The following TAF1B variants were observed in gnomAD, a reference collection of about 807,000 sequenced individuals.
TAF1B encodes the protein TATA-box binding protein associated factor, RNA polymerase I subunit B.
Under a neutral mutation model 83.9 loss-of-function variants are expected in TAF1B, and 61 were observed. The observed-to-expected ratio is 0.73, with a 90% CI of 0.59 to 0.90. The LOEUF (loss-of-function observed/expected upper bound fraction) is 0.90, where lower values mean the gene tolerates loss of function less well. Among genes scored for constraint, TAF1B ranks in the 40% least tolerant of loss-of-function variants. The probability of loss-of-function intolerance (pLI) is 0.00; values close to 1 mark genes in which losing one functional copy is unlikely to be tolerated. For missense variants in TAF1B, 625 were observed against 677.0 expected, an observed-to-expected ratio of 0.92 and a Z score of 0.85; for synonymous variants, 221 against 224.6, an observed-to-expected ratio of 0.98 and a Z score of 0.14.
intron 8 of TAF1B, among the ~76,000 whole-genome samples, chr2:9,888,048 G>A (rs554926362): frequency 6.6e-6 from 1 of 152,136 alleles, no homozygotes; most frequent in African/African-American, 2.4e-5. Context: ...TAGAGACGTG[G>A]TCTTGCAGTG....
In TAF1B at chr2:9,934,065, T is replaced by C; in HGVS notation, c.*81T>C. 8.5e-7 allele frequency: 1 copy of C among 1,173,254 alleles called. No individual in the cohort carries two copies. Among genetic ancestry groups the C allele is most frequent in the Non-Finnish European group, 1.2e-6 (1 of 841,212 alleles). 72.7% of individuals were successfully genotyped at this position (1,173,254 alleles called of 1,614,324 possible). A position where few individuals can be genotyped will look rare whatever the true frequency, so the allele number is the denominator to read the frequency against. Reference sequence around the variant, plus strand: ...ATTTTAATATAACATTCCAGAGAATTGTGGAAAATACTGCATATATATGTA... The same window carrying C: ...ATTTTAATATAACATTCCAGAGAATCGTGGAAAATACTGCATATATATGTA... On this transcript the variant is annotated 3_prime_UTR_variant, in exon 15 of 15. Transcript: ENST00000263663.
At chr2:9,894,201 T>C (rs989727719) in intron 8 of TAF1B, among the ~76,000 whole-genome samples, 2 of 151,928 alleles carry the variant, frequency 1.3e-5, no homozygotes, top group African/African-American at 4.8e-5. Flanking sequence ...CTGTGTTTAT[T>C]GATTACATGA....
At chr2:9,932,834 T>G (rs1310454195) in intron 14 of TAF1B, among the ~76,000 whole-genome samples, 2 of 151,990 alleles carry the variant, frequency 1.3e-5, no homozygotes, top group Non-Finnish European at 2.9e-5. Context: ...CTGCCCGGTT[T>G]GAGCTTCCTG....
chr2:9,875,320 G>C (rs532762347), intron 6 of TAF1B, among the ~76,000 whole-genome samples: 1 of 152,068 alleles, frequency 6.6e-6, no homozygotes, highest in Non-Finnish European at 1.5e-5. Context: ...CCATGATTAC[G>C]TTTTTGGCTG....
chr2:9,879,989 T>C (rs1373244510), intron 7 of TAF1B, among the ~76,000 whole-genome samples: 2 of 152,128 alleles, frequency 1.3e-5, no homozygotes, highest in Non-Finnish European at 2.9e-5. Context: ...TTGATGTTTT[T>C]AAAAGATCAT....
At chr2:9,877,296 A>C (rs1664347774) in intron 7 of TAF1B, among the ~76,000 whole-genome samples, 1 of 152,190 alleles carries the variant, frequency 6.6e-6, no homozygotes, top group African/African-American at 2.4e-5. Flanking sequence ...ATGGTATCTC[A>C]GAATCAGCAT....
At chr2:9,924,509 C>T (rs1422401189) in intron 14 of TAF1B, among the ~76,000 whole-genome samples, 1 of 152,214 alleles carries the variant, frequency 6.6e-6, no homozygotes, top group Admixed American at 6.5e-5. Flanking sequence ...GGCTCCATGC[C>T]ACTAAATAAG....
intron 8 of TAF1B, among the ~76,000 whole-genome samples, chr2:9,896,620 C>CAAAAAAAAAA (rs71391108): frequency 4.5e-5 from 3 of 66,534 alleles, no homozygotes; most frequent in Non-Finnish European, 6.0e-5. Context: ...ATCTAAAAAC[C>CAAAAAAAAAA]AAAAAAAAAA....
chr2:9,899,123 C>T (rs72782669), intron 8 of TAF1B, among the ~76,000 whole-genome samples: 11,301 of 152,120 alleles, frequency 0.074, 522 homozygotes, highest in Middle Eastern at 0.15. Flanking sequence ...TTTTCATCTT[C>T]CCACGTTGAA....
chr2:9,852,247 A>T, intron 4 of TAF1B: 1 of 199,736 alleles, frequency 5.0e-6, no homozygotes, highest in Non-Finnish European at 1.0e-5. Context: ...TCTGGGGACC[A>T]CTCTTTGACT....
chr2:9,874,247 CTAA>C (rs1051566603), intron 6 of TAF1B, among the ~76,000 whole-genome samples: 3 of 152,232 alleles, frequency 2.0e-5, no homozygotes, highest in African/African-American at 7.2e-5. Context: ...TTCACTCCTG[CTAA>C]TATACTTGGT....
chr2:9,888,262 C>T (rs1664740008), intron 8 of TAF1B, among the ~76,000 whole-genome samples: 1 of 152,076 alleles, frequency 6.6e-6, no homozygotes, highest in Non-Finnish European at 1.5e-5. Context: ...CACTTCCCTC[C>T]TCCCATCCTT....
At chr2:9,862,926 A>C (rs1171859883) in intron 5 of TAF1B, among the ~76,000 whole-genome samples, 21 of 152,280 alleles carry the variant, frequency 1.4e-4, no homozygotes, top group African/African-American at 4.8e-4. Context: ...GCCTGCCCTA[A>C]AAGAGCTCCT....
intron 14 of TAF1B, among the ~76,000 whole-genome samples, chr2:9,924,440 G>A (rs1024364315): frequency 1.2e-4 from 19 of 152,248 alleles, no homozygotes; most frequent in Non-Finnish European, 2.5e-4. Context: ...ACAACAATAG[G>A]GGAGCCAACA....
At chr2:9,920,828 T>A (rs563459623) in intron 14 of TAF1B, among the ~76,000 whole-genome samples, 1 of 152,298 alleles carries the variant, frequency 6.6e-6, no homozygotes, top group East Asian at 1.9e-4. Flanking sequence ...CACGCGCTTT[T>A]ATGGTTATTG....
At chr2:9,849,804 A>G (rs901287414) in intron 3 of TAF1B, among the ~76,000 whole-genome samples, 2 of 152,204 alleles carry the variant, frequency 1.3e-5, no homozygotes, top group Admixed American at 1.3e-4. Context: ...TGACCTCAAC[A>G]TGAGTGTGCT....
Position 9,868,448 on chromosome 2 carries a change from C to T in TAF1B, c.553+19C>T. 6.3e-7 allele frequency: 1 copy of T among 1,596,070 alleles called. No individual in the cohort carries two copies. Among genetic ancestry groups the T allele is most frequent in the Non-Finnish European group, 8.5e-7 (1 of 1,171,466 alleles). ...CAATCAGGTAAAAATGAGAACCAAA[C>T]CATTTCGAATTTTAAAGCTGTTATG... On this transcript the variant is annotated intron_variant, in intron 6 of 14. Coordinates refer to ENST00000263663, the MANE Select transcript of TAF1B (RefSeq NM_005680.3).
At chr2:9,902,380 C>T (rs1665208694) in intron 8 of TAF1B, among the ~76,000 whole-genome samples, 1 of 152,166 alleles carries the variant, frequency 6.6e-6, no homozygotes, top group Non-Finnish European at 1.5e-5. Context: ...ACCCCAGGAG[C>T]TCTGCTGGGT....
chr2:9,888,550 C>T (rs1218005901), intron 8 of TAF1B, among the ~76,000 whole-genome samples: 1 of 152,022 alleles, frequency 6.6e-6, no homozygotes, highest in Non-Finnish European at 1.5e-5. Context: ...GAGATATTTT[C>T]AGTAGGTATA....
Sources: gnomAD v4.1 joint callset for allele counts (sites outside exome capture counted in the v4.1 genomes callset) on GRCh38, gnomAD v4.1.1 for gene constraint, MANE v1.5 for transcripts, NCBI Gene and HGNC (gene_info 2026-07-23, HGNC 2026-07-21) for gene names.